Variants in MED13L observed in about 807,000 individuals in gnomAD.
MED13L encodes the protein mediator of RNA polymerase II transcription subunit 13-like.
MED13L carries 7 observed loss-of-function variants against 220.9 expected under a neutral mutation model. The observed-to-expected ratio is 0.03, with a 90% CI of 0.02 to 0.06. The LOEUF is 0.06. MED13L is among the 10% of genes least tolerant of loss of function. The pLI is 1.00. For missense variants in MED13L, 1,965 were observed against 2,760.5 expected, an observed-to-expected ratio of 0.71 and a Z score of 6.46; for synonymous variants, 1,011 against 1,015.2, an observed-to-expected ratio of 1.00 and a Z score of 0.08.
At chr12:116,043,677 G>C (rs997093912) in intron 4 of MED13L, among the ~76,000 whole-genome samples, 4 of 152,170 alleles carry the variant, frequency 2.6e-5, no homozygotes, top group African/African-American at 9.7e-5. Flanking sequence ...GTGCATGCAT[G>C]TATCTATTTA....
chr12:116,237,539 C>T lies in MED13L; in HGVS notation c.239G>A (p.Cys80Tyr), dbSNP rs762303455. 6 of 1,614,168 alleles carry T rather than the reference C, an allele frequency of 3.7e-6. 1 individual carries two copies. The South Asian group carries it at 5.5e-5, about 15-fold the overall frequency. ...CCACCAGAATATCCATAACTCTTTG[C>T]AATCTGGTTTGACATCACGACGCCA... is the stretch of plus-strand genomic sequence containing the variant. ...CVWRRDVKPD[C>Y]KELWIFWWGD... is the part of the protein sequence containing the mutation. The change falls in exon 2 of 31, where the codon TGC becomes TAC. Residue 80 changes from cysteine to tyrosine, a missense_variant. Cys to Tyr is a radical substitution (Grantham distance 194, BLOSUM62 -2). This residue lies in a region of MED13L where 818 missense variants were observed against 1,041.2 expected (regional missense o/e 0.79). Transcript: ENST00000281928.
intron 2 of MED13L, among the ~76,000 whole-genome samples, chr12:116,118,177 T>C (rs1333348597): frequency 6.6e-6 from 1 of 152,184 alleles, no homozygotes; most frequent in Non-Finnish European, 1.5e-5. Flanking sequence ...TCATCTGTTC[T>C]TTTATATTCT....
intron 4 of MED13L, among the ~76,000 whole-genome samples, chr12:116,086,145 G>A (rs1565870171): frequency 1.3e-5 from 2 of 152,278 alleles, no homozygotes; most frequent in South Asian, 2.1e-4. Flanking sequence ...AGGGCAGAGT[G>A]ATTTGAAACA....
At chr12:116,173,805 A>C (rs1031011791) in intron 2 of MED13L, among the ~76,000 whole-genome samples, 5 of 152,190 alleles carry the variant, frequency 3.3e-5, no homozygotes, top group Non-Finnish European at 5.9e-5. Flanking sequence ...AAACAGAAGA[A>C]TGGAAAAGCC....
intron 4 of MED13L, among the ~76,000 whole-genome samples, chr12:116,048,782 C>T (rs1881987555): frequency 1.3e-5 from 2 of 152,144 alleles, no homozygotes; most frequent in Non-Finnish European, 1.5e-5. Flanking sequence ...GAGGCAGTGC[C>T]TAAGTTACAG....
At position 115,991,896 on chromosome 12, in the gene MED13L, T is replaced by C; in HGVS notation, c.3058A>G (p.Thr1020Ala). The change falls in exon 17 of 31, where the codon ACA becomes GCA. Residue 1020 changes from threonine to alanine, a missense_variant. Around this residue, in one of 10 missense-constraint regions of MED13L, gnomAD observed 233 missense variants for 306.2 expected, o/e 0.76. Transcript: ENST00000281928. This position sits in a 1 kb window ranked among gnomAD's most constrained non-coding sequence, Gnocchi z 7.7. ...PDYLNTPQMN[T>A]PVTLNSAAPA... ...GCAGCGCTGTTCAACGTCACGGGTGTGTTCATCTGTGGTGTGTTCAGATAG... is the reference window on the plus strand; with the variant it reads ...GCAGCGCTGTTCAACGTCACGGGTGCGTTCATCTGTGGTGTGTTCAGATAG... The C allele has an allele frequency of 6.2e-7, 1 of 1,601,386 alleles. No homozygotes were observed. The highest frequency in any genetic ancestry group is 8.5e-7 in the Non-Finnish European group (1 of 1,179,892).
At chr12:116,041,167 T>C (rs930388014) in intron 4 of MED13L, among the ~76,000 whole-genome samples, 8 of 152,162 alleles carry the variant, frequency 5.3e-5, no homozygotes, top group Non-Finnish European at 1.0e-4. Context: ...AGGGGCCAGG[T>C]AGAAGGTGAC....
intron 4 of MED13L, among the ~76,000 whole-genome samples, chr12:116,085,216 G>A (rs1359452784): frequency 6.6e-6 from 1 of 151,910 alleles, no homozygotes; most frequent in Non-Finnish European, 1.5e-5. Context: ...AGCATGACAG[G>A]GCACAAAGTC....
intron 4 of MED13L, among the ~76,000 whole-genome samples, chr12:116,058,629 TAA>T (rs1869173627): frequency 6.6e-6 from 1 of 152,182 alleles, no homozygotes; most frequent in African/African-American, 2.4e-5. Flanking sequence ...AAAGATGCAA[TAA>T]GAGACCTTTC....
chr12:116,074,686 T>C (rs1463316280), intron 4 of MED13L, among the ~76,000 whole-genome samples: 1 of 152,238 alleles, frequency 6.6e-6, no homozygotes, highest in Non-Finnish European at 1.5e-5. Context: ...CATACTCCTG[T>C]TCTCTATCCT....
At chr12:116,100,114 C>T (rs1482367911) in intron 3 of MED13L, among the ~76,000 whole-genome samples, 1 of 152,142 alleles carries the variant, frequency 6.6e-6, no homozygotes, top group Admixed American at 6.5e-5. Flanking sequence ...GGGAGATACA[C>T]ACACAGTCCC....
chr12:116,109,975 A>G (rs1047298553), intron 3 of MED13L: 1 of 152,238 alleles, frequency 6.6e-6, no homozygotes, highest in African/African-American at 2.4e-5. Flanking sequence ...CAGTTGTATT[A>G]CAGTGGTAAC....
intron 23 of MED13L, among the ~76,000 whole-genome samples, chr12:115,977,945 G>A (rs945738112): frequency 1.3e-5 from 2 of 152,072 alleles, no homozygotes; most frequent in South Asian, 2.1e-4. Context: ...GCAAGTAACC[G>A]TGATCTTGCC....
intron 2 of MED13L, among the ~76,000 whole-genome samples, chr12:116,162,611 G>C (rs1014718570): frequency 1.3e-5 from 2 of 152,096 alleles, no homozygotes; most frequent in Admixed American, 6.5e-5. Context: ...ACTTAACCTA[G>C]AAATTATTTA....
intron 2 of MED13L, among the ~76,000 whole-genome samples, chr12:116,118,657 G>T (rs1438037873): frequency 6.6e-6 from 1 of 152,094 alleles, no homozygotes; most frequent in African/African-American, 2.4e-5. Context: ...CAGAAATACA[G>T]GAGCAGCATA....
intron 4 of MED13L, among the ~76,000 whole-genome samples, chr12:116,095,352 G>A (rs1374013478): frequency 6.6e-6 from 1 of 152,090 alleles, no homozygotes; most frequent in Non-Finnish European, 1.5e-5. Flanking sequence ...TACTGAAAAG[G>A]AAAATGCTTC....
At chr12:116,078,315 TA>T (rs567420054) in intron 4 of MED13L, among the ~76,000 whole-genome samples, 2 of 152,218 alleles carry the variant, frequency 1.3e-5, no homozygotes, top group Non-Finnish European at 2.9e-5. Context: ...TTATAATTCA[TA>T]ATCATTTCTA....
At chr12:116,101,275 C>T (rs1049452268) in intron 3 of MED13L, among the ~76,000 whole-genome samples, 13 of 152,178 alleles carry the variant, frequency 8.5e-5, no homozygotes, top group South Asian at 2.1e-4. Context: ...GGAGTACAGA[C>T]GGTGTGTGTC....
At chr12:116,233,090 G>GAAAAAAAAAAAAAAAAAAAAAAAAA (rs530903194) in intron 2 of MED13L, among the ~76,000 whole-genome samples, 1 of 82,952 alleles carries the variant, frequency 1.2e-5, no homozygotes. Context: ...CTGTCTAAAG[G>GAAAAAAAAAAAAAAAAAAAAAAAAA]AAAAAAAAAA....
Sources: allele counts gnomAD v4.1 joint callset (sites outside exome capture counted in the v4.1 genomes callset), GRCh38; gene constraint gnomAD v4.1.1; regional missense constraint gnomAD v4.1.1; non-coding constraint Gnocchi (gnomAD v3.1); transcripts MANE v1.5; gene names NCBI Gene and HGNC (gene_info 2026-07-23, HGNC 2026-07-21).